The following FGF12 variants were observed in gnomAD, a reference collection of about 807,000 sequenced individuals.
FGF12 encodes the protein fibroblast growth factor 12, also known as fibroblast growth factor 12B.
A neutral mutation model predicts 23.6 loss-of-function variants in FGF12; 14 were observed. The ratio of observed to expected loss-of-function variants is 0.59; its 90% CI spans 0.39 to 0.93. FGF12 has a LOEUF of 0.93. Among genes scored for constraint, FGF12 ranks in the 40% least tolerant of loss-of-function variants. The pLI, the probability that FGF12 is intolerant of heterozygous loss-of-function variation, is 0.00. For synonymous variants in FGF12, 62 were observed against 77.3 expected, an observed-to-expected ratio of 0.80 and a Z score of 1.04; for missense variants, 175 against 217.8, an observed-to-expected ratio of 0.80 and a Z score of 1.24.
chr3:192,479,299 A>G (rs1723414420), intron 2 of FGF12, among the ~76,000 whole-genome samples: 1 of 152,150 alleles, frequency 6.6e-6, no homozygotes, highest in South Asian at 2.1e-4. Flanking sequence ...AGCTATCTCA[A>G]AAGACAGAGC....
intron 2 of FGF12, among the ~76,000 whole-genome samples, chr3:192,587,253 CCAGTTAGTTCTGCAGGGTCATCAAT>C (rs1451689421): frequency 1.3e-5 from 2 of 151,748 alleles, no homozygotes; most frequent in Non-Finnish European, 2.9e-5. Flanking sequence ...AAAACGGTTA[CCAGTTAGTTCTGCAGGGTCATCAAT>C]CAGAATGAAT....
chr3:192,500,444 A>G (rs6800095), intron 2 of FGF12, among the ~76,000 whole-genome samples: 1 of 151,588 alleles, frequency 6.6e-6, no homozygotes, highest in Admixed American at 6.6e-5. Flanking sequence ...ACATCCCCCC[A>G]CCCGCCACAC....
intron 5 of FGF12, among the ~76,000 whole-genome samples, chr3:192,158,212 G>C (rs113697228): frequency 6.6e-6 from 1 of 152,004 alleles, no homozygotes; most frequent in Non-Finnish European, 1.5e-5. Context: ...CTCATGCTTC[G>C]CAAGTTACTT....
chr3:192,632,082 G>A (rs750947378), intron 2 of FGF12, among the ~76,000 whole-genome samples: 14 of 152,242 alleles, frequency 9.2e-5, no homozygotes, highest in Admixed American at 3.9e-4. Context: ...AAAATGAACT[G>A]AGCTAAATAG....
chr3:192,464,499 G>GGT (rs34803297), intron 2 of FGF12, among the ~76,000 whole-genome samples: 5,562 of 132,588 alleles, frequency 0.042, 121 homozygotes, highest in Middle Eastern at 0.05. Flanking sequence ...AGTATTCCAT[G>GGT]GTGTGTGTGT....
In FGF12 at chr3:192,480,227, C is replaced by T. The variant is rs7636711; in HGVS notation, c.14-119689G>A. ...CAGAATAAAGAGGAAAAAACTTAAT[C>T]GTAAGACTTCGCAAAGGAACCTTAC... On this transcript the variant is annotated intron_variant, in intron 2 of 5. Transcript: ENST00000445105. 1.3e-3 allele frequency among the ~76,000 whole-genome samples: 205 copies of T among 152,250 alleles called. 1 individual carries two copies. The highest frequency in any genetic ancestry group is 4.7e-3 in the African/African-American group (196 of 41,560).
intron 2 of FGF12, chr3:192,515,152 G>A (rs368912617): frequency 6.6e-6 from 1 of 152,218 alleles, no homozygotes; most frequent in East Asian, 1.9e-4. Context: ...CGGACCCTGT[G>A]CCCTGGGAGC....
chr3:192,205,461 T>C (rs538015073), intron 4 of FGF12, among the ~76,000 whole-genome samples: 2 of 152,212 alleles, frequency 1.3e-5, no homozygotes, highest in South Asian at 4.2e-4. Context: ...CCTTCCCTCC[T>C]TGTGGATTAG....
chr3:192,685,155 AT>A (rs1229401366), intron 2 of FGF12, among the ~76,000 whole-genome samples: 4 of 151,946 alleles, frequency 2.6e-5, no homozygotes, highest in African/African-American at 9.7e-5. Context: ...AGTTCACGCC[AT>A]TCTCCAGCCT....
At position 192,646,265 on chromosome 3, in the gene FGF12, G is replaced by A. The variant is rs531165048; in HGVS notation, c.13+80916C>T. ...AGAGTGTGGAATGCAGGAAGTCAAC[G>A]TTTAATAAAAGAGGCAGGGGAAGTA... On this transcript the variant is annotated intron_variant, in intron 2 of 5. Transcript: ENST00000445105. Among the ~76,000 whole-genome samples, 31 of 152,098 alleles carry A rather than the reference G, an allele frequency of 2.0e-4. No homozygotes were observed. The South Asian group carries it at 5.8e-3, about 29-fold the overall frequency.
intron 2 of FGF12, among the ~76,000 whole-genome samples, chr3:192,383,963 C>T (rs1251041944): frequency 1.3e-5 from 2 of 152,066 alleles, no homozygotes; most frequent in African/African-American, 4.8e-5. Context: ...CAGGACTCAG[C>T]CTTGGATCTC....
intron 4 of FGF12, among the ~76,000 whole-genome samples, chr3:192,243,341 A>G (rs900740493): frequency 1.3e-5 from 2 of 152,058 alleles, no homozygotes; most frequent in Non-Finnish European, 2.9e-5. Flanking sequence ...ATTAAAAAAT[A>G]AAGTAAAGCT....
intron 4 of FGF12, among the ~76,000 whole-genome samples, chr3:192,235,308 G>C (rs1338896000): frequency 6.6e-6 from 1 of 152,072 alleles, no homozygotes; most frequent in African/African-American, 2.4e-5. Flanking sequence ...ATTTCTTCTA[G>C]ATTTCTGGTT....
chr3:192,512,905 G>A (rs1222262450), intron 2 of FGF12, among the ~76,000 whole-genome samples: 1 of 127,576 alleles, frequency 7.8e-6, no homozygotes, highest in Non-Finnish European at 1.6e-5. Flanking sequence ...TAAAAATAAT[G>A]AGTTTCAAAG....
At chr3:192,679,620 C>T (rs183616841) in intron 2 of FGF12, among the ~76,000 whole-genome samples, 8 of 149,704 alleles carry the variant, frequency 5.3e-5, no homozygotes, top group Admixed American at 5.3e-4. Flanking sequence ...CCGTCCCCCA[C>T]CCCAGCCTGC....
Position 192,143,972 on chromosome 3 carries a change from G to A in FGF12, c.*37C>T, listed in dbSNP as rs1196640688. The stretch of plus-strand genomic sequence containing the variant: ...GGGTAAATGGGAAGGAAGGGAAGGG[G>A]AAGGGATGAGAGAGGGAAGAAGGGG... On this transcript the variant is annotated 3_prime_UTR_variant, in exon 6 of 6. Coordinates refer to ENST00000445105, the MANE Select transcript of FGF12 (RefSeq NM_004113.6). The A allele has an allele frequency of 8.1e-7, 1 of 1,230,314 alleles. No individual in the cohort carries two copies. 76.2% of individuals were successfully genotyped at this position (1,230,314 alleles called of 1,614,324 possible). A position where few individuals can be genotyped will look rare whatever the true frequency, so the allele number is the denominator to read the frequency against.
chr3:192,724,371 C>T (rs1001316446), intron 2 of FGF12, among the ~76,000 whole-genome samples: 2 of 152,066 alleles, frequency 1.3e-5, no homozygotes, highest in Non-Finnish European at 2.9e-5. Context: ...AACATATATG[C>T]TTTTTTCTTC....
chr3:192,552,798 T>C (rs1264681684), intron 2 of FGF12, among the ~76,000 whole-genome samples: 2 of 151,910 alleles, frequency 1.3e-5, no homozygotes, highest in African/African-American at 4.8e-5. Flanking sequence ...GGCTGAGGCA[T>C]GAAAATCGCT....
chr3:192,624,305 A>C (rs528598915), intron 2 of FGF12, among the ~76,000 whole-genome samples: 8 of 152,318 alleles, frequency 5.3e-5, no homozygotes, highest in African/African-American at 1.9e-4. Context: ...TTATATCAAC[A>C]TAGGAAAAAC....
Sources: gnomAD v4.1 joint callset for allele counts (sites outside exome capture counted in the v4.1 genomes callset) on GRCh38, gnomAD v4.1.1 for gene constraint, MANE v1.5 for transcripts, NCBI Gene and HGNC (gene_info 2026-07-23, HGNC 2026-07-21) for gene names.